Variants in PLXDC2 observed in about 807,000 individuals in gnomAD.
The protein encoded by PLXDC2 is plexin domain-containing protein 2.
Under a neutral mutation model 68.9 loss-of-function variants are expected in PLXDC2, and 40 were observed. That is an observed-to-expected ratio of 0.58 (90% CI 0.45 to 0.76). The LOEUF (loss-of-function observed/expected upper bound fraction) is 0.76. PLXDC2 is among the 30% of genes least tolerant of loss of function. The pLI is 0.00. For missense variants in PLXDC2, 644 were observed against 661.9 expected (o/e 0.97, Z 0.30); for synonymous variants, 243 against 234.2 (o/e 1.04, Z -0.34).
At chr10:20,033,904 T>C (rs1835539674) in intron 2 of PLXDC2, among the ~76,000 whole-genome samples, 1 of 152,226 alleles carries the variant, frequency 6.6e-6, no homozygotes, top group Non-Finnish European at 1.5e-5. Context: ...ATGTTCATCG[T>C]TCCTCAAAAC....
chr10:19,948,948 G>C (rs1485018314), intron 1 of PLXDC2, among the ~76,000 whole-genome samples: 1 of 151,718 alleles, frequency 6.6e-6, no homozygotes, highest in Non-Finnish European at 1.5e-5. Flanking sequence ...TAGCCAACAT[G>C]GTGAAACCCT....
At chr10:20,025,399 A>G (rs1294575652) in intron 2 of PLXDC2, among the ~76,000 whole-genome samples, 1 of 151,892 alleles carries the variant, frequency 6.6e-6, no homozygotes, top group Non-Finnish European at 1.5e-5. Flanking sequence ...AGTAGCTGGG[A>G]TTACAGGCAT....
At chr10:19,826,591 C>T (rs1207699718) in intron 1 of PLXDC2, among the ~76,000 whole-genome samples, 1 of 152,120 alleles carries the variant, frequency 6.6e-6, no homozygotes, top group Non-Finnish European at 1.5e-5. Context: ...TGAGAGCATT[C>T]TTGCTATATT....
intron 4 of PLXDC2, among the ~76,000 whole-genome samples, chr10:20,078,412 A>G (rs1836489935): frequency 6.6e-6 from 1 of 152,162 alleles, no homozygotes; most frequent in Admixed American, 6.5e-5. Context: ...CTAATAACTG[A>G]TAATATAATT....
chr10:20,113,900 T>C (rs1427939129), intron 4 of PLXDC2, among the ~76,000 whole-genome samples: 1 of 151,978 alleles, frequency 6.6e-6, no homozygotes, highest in Non-Finnish European at 1.5e-5. Flanking sequence ...CTGAGGTGGG[T>C]GGATCACTGA....
intron 1 of PLXDC2, among the ~76,000 whole-genome samples, chr10:19,875,975 GA>G (rs1013092580): frequency 1.3e-5 from 2 of 151,756 alleles, no homozygotes; most frequent in South Asian, 2.1e-4. Flanking sequence ...CATTTTTCTT[GA>G]AAAAAAATAA....
At chr10:19,957,837 A>G (rs1589556117) in intron 1 of PLXDC2, among the ~76,000 whole-genome samples, 1 of 152,170 alleles carries the variant, frequency 6.6e-6, no homozygotes, top group African/African-American at 2.4e-5. Context: ...ATTCCTTAGC[A>G]ATACAAATCT....
At chr10:20,114,513 A>T (rs572637711) in intron 4 of PLXDC2, among the ~76,000 whole-genome samples, 78 of 152,294 alleles carry the variant, frequency 5.1e-4, no homozygotes, top group African/African-American at 1.8e-3. Context: ...AGACCTAGGA[A>T]TGGATGTGAA....
intron 1 of PLXDC2, among the ~76,000 whole-genome samples, chr10:19,885,391 C>A (rs959784721): frequency 2.0e-5 from 3 of 151,976 alleles, no homozygotes; most frequent in African/African-American, 7.3e-5. Context: ...GCTTTTGTTG[C>A]CATTGCTTTT....
chr10:20,014,536 C>T (rs867312098), intron 2 of PLXDC2, among the ~76,000 whole-genome samples: 2 of 151,600 alleles, frequency 1.3e-5, no homozygotes, highest in African/African-American at 4.9e-5. Flanking sequence ...TATTTCAGGA[C>T]ACCTTCTTGA....
intron 3 of PLXDC2, among the ~76,000 whole-genome samples, chr10:20,051,791 G>A (rs1300545594): frequency 6.6e-6 from 1 of 151,840 alleles, no homozygotes; most frequent in Non-Finnish European, 1.5e-5. Flanking sequence ...CTAATCCAGG[G>A]ACCATGCTTG....
intron 12 of PLXDC2, among the ~76,000 whole-genome samples, chr10:20,232,921 C>G (rs917454469): frequency 1.3e-5 from 2 of 151,970 alleles, no homozygotes; most frequent in African/African-American, 4.8e-5. Flanking sequence ...AGAAAAGAAG[C>G]ATTTTGATAT....
chr10:20,254,518 TCTTA>T (rs1448805357), intron 13 of PLXDC2, among the ~76,000 whole-genome samples: 2 of 152,174 alleles, frequency 1.3e-5, no homozygotes, highest in Admixed American at 6.5e-5. Flanking sequence ...TATTTCTTAG[TCTTA>T]CTTCAGTTTT....
At chr10:20,223,165 T>C (rs1250859073) in intron 12 of PLXDC2, among the ~76,000 whole-genome samples, 1 of 152,196 alleles carries the variant, frequency 6.6e-6, no homozygotes, top group Non-Finnish European at 1.5e-5. Flanking sequence ...TTATTATTTA[T>C]TCTTTATAGA....
intron 1 of PLXDC2, among the ~76,000 whole-genome samples, chr10:19,903,295 TG>T (rs1838189179): frequency 6.6e-6 from 1 of 151,510 alleles, no homozygotes; most frequent in South Asian, 2.1e-4. Flanking sequence ...GCTGTGAATC[TG>T]TGTGGTCCTG....
chr10:19,899,406 T>C (rs892764703), intron 1 of PLXDC2, among the ~76,000 whole-genome samples: 1 of 152,244 alleles, frequency 6.6e-6, no homozygotes, highest in African/African-American at 2.4e-5. Flanking sequence ...GAGCTGGTGA[T>C]GTTCTGATAA....
intron 1 of PLXDC2, among the ~76,000 whole-genome samples, chr10:19,895,928 T>A (rs191851038): frequency 2.0e-4 from 31 of 152,076 alleles, no homozygotes; most frequent in Admixed American, 1.8e-3. Context: ...TCTAAAAAAA[T>A]TTTAAAAAGG....
At chr10:19,933,095 G>C (rs1329376539) in intron 1 of PLXDC2, among the ~76,000 whole-genome samples, 1 of 152,166 alleles carries the variant, frequency 6.6e-6, no homozygotes, top group African/African-American at 2.4e-5. Flanking sequence ...GTTAGGCCTG[G>C]GTTAGACTTC....
intron 1 of PLXDC2, among the ~76,000 whole-genome samples, chr10:19,858,024 C>T (rs1837246870): frequency 6.6e-6 from 1 of 152,152 alleles, no homozygotes; most frequent in African/African-American, 2.4e-5. Flanking sequence ...ACTTCCCGTT[C>T]ATCTGTTTGC....
Sources: allele counts gnomAD v4.1 joint callset (sites outside exome capture counted in the v4.1 genomes callset), GRCh38; gene constraint gnomAD v4.1.1; transcripts MANE v1.5; gene names NCBI Gene and HGNC (gene_info 2026-07-23, HGNC 2026-07-21).